HACD1: variants seen among roughly 807,000 people sequenced by gnomAD.
HACD1 encodes the protein 3-hydroxyacyl-CoA dehydratase 1, also known as very-long-chain (3R)-3-hydroxyacyl-CoA dehydratase 1.
Under a neutral mutation model 32.0 loss-of-function variants are expected in HACD1, and 41 were observed. The observed-to-expected ratio is 1.28, with a 90% CI of 1.00 to 1.66. The LOEUF (loss-of-function observed/expected upper bound fraction) is 1.66. Ranked by LOEUF, HACD1 falls within the 40% of genes most tolerant of loss-of-function variation. The pLI, the probability that HACD1 is intolerant of heterozygous loss-of-function variation, is 0.00. For missense variants in HACD1, 396 were observed against 380.1 expected (o/e 1.04, Z -0.35); for synonymous variants, 142 against 139.0 (o/e 1.02, Z -0.15).
chr10:17,603,453 G>T, intron 4 of HACD1, 107 bp downstream of exon 4: 3 of 1,053,346 alleles, frequency 2.8e-6, no homozygotes, highest in Admixed American at 5.3e-5. Flanking sequence ...ACTCCTTTTT[G>T]TCCAACACTT....
intron 6 of HACD1, among the ~76,000 whole-genome samples, chr10:17,591,221 C>T (rs904830141): frequency 2.0e-5 from 3 of 147,966 alleles, no homozygotes; most frequent in East Asian, 4.4e-4. Flanking sequence ...TTCATCCATA[C>T]CCCTCACAAA....
intron 1 of HACD1, 78 bp from the exon 2 acceptor site, chr10:17,604,125 T>G: frequency 3.7e-6 from 4 of 1,069,104 alleles, no homozygotes; most frequent in Non-Finnish European, 5.4e-6. Flanking sequence ...ACAGCAGCGT[T>G]ATTCAAAATA....
chr10:17,600,281 C>G (rs894274725), intron 4 of HACD1, among the ~76,000 whole-genome samples: 1 of 152,162 alleles, frequency 6.6e-6, no homozygotes, highest in Admixed American at 6.6e-5. Context: ...GACTCCAACC[C>G]TCTCCTCTCA....
chr10:17,590,323 C>A lies in HACD1; in HGVS notation c.*41G>T. ...TTATTAAAACTTGGACTCAGGTAAT[C>A]TTGGTTATTCTGGAAAAAGCACCTT... On this transcript the variant is annotated 3_prime_UTR_variant, in exon 7 of 7. Transcript: ENST00000361271. 1 of 1,401,844 alleles carries A rather than the reference C, an allele frequency of 7.1e-7. No individual in the cohort carries two copies. The highest frequency in any genetic ancestry group is 9.8e-7 in the Non-Finnish European group (1 of 1,017,914). The allele number at this position is 1,401,844 out of a possible 1,614,324, so 86.8% of individuals were successfully genotyped here.
chr10:17,600,894 C>T (rs924414447), intron 4 of HACD1, among the ~76,000 whole-genome samples: 5 of 152,170 alleles, frequency 3.3e-5, no homozygotes, highest in Non-Finnish European at 7.3e-5. Context: ...CAGGCGAGAA[C>T]CATGTTTGTT....
At chr10:17,602,566 T>C (rs531680839) in intron 4 of HACD1, among the ~76,000 whole-genome samples, 1 of 152,310 alleles carries the variant, frequency 6.6e-6, no homozygotes, top group African/African-American at 2.4e-5. Flanking sequence ...AAATTGCATA[T>C]ATTTATGGTG....
chr10:17,609,909 G>A (rs868989282), intron 1 of HACD1, among the ~76,000 whole-genome samples: 14 of 150,542 alleles, frequency 9.3e-5, no homozygotes, highest in South Asian at 2.1e-4. Context: ...GTTTGAATCC[G>A]CAGGCAGAGG....
Position 17,603,930 on chromosome 10 carries a change from C to G in HACD1, c.375G>C (p.Glu125Asp). The change falls in exon 2 of 7, where the codon GAG becomes GAC. Residue 125 changes from glutamate (E) to aspartate (D), a missense_variant and splice_region_variant. Glu to Asp is a conservative substitution (Grantham distance 45, BLOSUM62 2). Coordinates refer to ENST00000361271, the MANE Select transcript of HACD1 (RefSeq NM_014241.4). ...AAAAACAGCATGATGGAAAACTTAC[C>G]TCAAGCAAGGCAAATGTCTGGAAAA... is the stretch of plus-strand genomic sequence containing the variant. ...LKFFQTFALL[E>D]IVHCLIGIVP... 1 of 1,595,088 alleles carries G rather than the reference C, an allele frequency of 6.3e-7. No homozygotes were observed. Among genetic ancestry groups the G allele is most frequent in the Non-Finnish European group, 8.6e-7 (1 of 1,164,896 alleles).
chr10:17,603,627 A>G lies in HACD1; in HGVS notation c.416T>C (p.Ile139Thr). The change falls in exon 4 of 7, where the codon ATT becomes ACT. Residue 139 changes from isoleucine to threonine, a missense_variant. Ile to Thr is a moderately conservative substitution (Grantham distance 89). Coordinates refer to ENST00000361271, the MANE Select transcript of HACD1 (RefSeq NM_014241.4). The part of the protein sequence containing the change: ...CLIGIVPTSV[I>T]VTGVQVSSRI... ...TGAACTCACTTGGACCCCAGTCACA[A>G]TCACAGAAGTAGGTACAATTCCTTA... 6.2e-7 allele frequency: 1 copy of G among 1,613,520 alleles called. No homozygotes were observed. The highest frequency in any genetic ancestry group is 8.5e-7 in the Non-Finnish European group (1 of 1,179,506).
chr10:17,609,013 TA>T (rs781961213), intron 1 of HACD1, among the ~76,000 whole-genome samples: 9 of 151,832 alleles, frequency 5.9e-5, no homozygotes, highest in Non-Finnish European at 1.2e-4. Flanking sequence ...GTTAAGAGAA[TA>T]AAAAATCAAG....
intron 2 of HACD1, 31 bp from the exon 3 acceptor site, chr10:17,603,775 C>T (rs1554816764): frequency 1.3e-6 from 2 of 1,579,930 alleles, no homozygotes; most frequent in East Asian, 4.5e-5. Flanking sequence ...ATCATTACGT[C>T]AATAATAGAA....
chr10:17,604,313 G>A (rs941375231), intron 1 of HACD1, among the ~76,000 whole-genome samples: 106 of 151,964 alleles, frequency 7.0e-4, no homozygotes, highest in African/African-American at 2.1e-3. Flanking sequence ...GTGAAACCCC[G>A]TCTCTACTAA....
intron 1 of HACD1, among the ~76,000 whole-genome samples, chr10:17,607,514 T>C (rs1432932491): frequency 1.3e-5 from 2 of 152,258 alleles, no homozygotes; most frequent in African/African-American, 4.8e-5. Context: ...CATACACTTG[T>C]CTTTTTTAGG....
chr10:17,597,076 TGACA>T (rs1296948394), intron 5 of HACD1, among the ~76,000 whole-genome samples: 1 of 152,262 alleles, frequency 6.6e-6, no homozygotes, highest in Non-Finnish European at 1.5e-5. Flanking sequence ...TATGATCAAC[TGACA>T]AAGTATTATG....
In HACD1 at chr10:17,590,424, A is replaced by G; in HGVS notation, c.807T>C (p.His269=). 1 of 1,597,258 alleles carries G rather than the reference A, an allele frequency of 6.3e-7. No homozygotes were observed. Among genetic ancestry groups the G allele is most frequent in the East Asian group, 2.2e-5 (1 of 44,452 alleles). ...YIPLFPQLYF[H]MLRQRRKVLH... is the part of the protein sequence containing the mutation. Reference sequence around the variant, plus strand: ...GCACCTTTCTTCTTTGACGTAACATATGAAAATAGAGTTGTGGAAACACTT... The same window carrying G: ...GCACCTTTCTTCTTTGACGTAACATGTGAAAATAGAGTTGTGGAAACACTT... Residue 269 remains histidine (H), a synonymous_variant, in exon 7 of 7, where the codon CAT becomes CAC. Transcript: ENST00000361271.
chr10:17,591,976 A>ATGTTTTTTTTTT (rs1465312407), intron 6 of HACD1, among the ~76,000 whole-genome samples: 1 of 96,942 alleles, frequency 1.0e-5, no homozygotes, highest in African/African-American at 4.5e-5. Context: ...CCAGCTACTG[A>ATGTTTTTTTTTT]TTTTTTTTTT....
intron 5 of HACD1, chr10:17,598,990 T>C: frequency 3.8e-6 from 1 of 261,748 alleles, no homozygotes; most frequent in Non-Finnish European, 6.6e-6. Flanking sequence ...TGTAAGCTAA[T>C]TCCAAAAATG....
At chr10:17,601,451 G>A (rs930611588) in intron 4 of HACD1, among the ~76,000 whole-genome samples, 7 of 152,124 alleles carry the variant, frequency 4.6e-5, no homozygotes, top group African/African-American at 1.2e-4. Context: ...GGAAACTATC[G>A]TCAGCAAAAA....
chr10:17,612,928 AAAAAAC>A (rs1366581956), intron 1 of HACD1, among the ~76,000 whole-genome samples: 11 of 151,962 alleles, frequency 7.2e-5, no homozygotes, highest in Non-Finnish European at 1.5e-4. Flanking sequence ...CTCAAAAAAA[AAAAAAC>A]AAAAACAAAA....
Sources: allele counts gnomAD v4.1 joint callset (sites outside exome capture counted in the v4.1 genomes callset), GRCh38; gene constraint gnomAD v4.1.1; transcripts MANE v1.5; gene names NCBI Gene and HGNC (gene_info 2026-07-23, HGNC 2026-07-21).